The following RORA variants were observed in gnomAD, a reference collection of about 807,000 sequenced individuals.
The protein encoded by RORA is RAR related orphan receptor A, also known as nuclear receptor ROR-alpha.
A neutral mutation model predicts 69.5 loss-of-function variants in RORA; 7 were observed. The ratio of observed to expected loss-of-function variants is 0.10; its 90% CI spans 0.06 to 0.19. The LOEUF is 0.19. Among genes scored for constraint, RORA ranks in the 10% least tolerant of loss-of-function variants. The pLI is 1.00. For synonymous variants in RORA, 261 were observed against 240.8 expected (o/e 1.08, Z -0.78); for missense variants, 457 against 663.0 (o/e 0.69, Z 3.41).
rs763259684 is a variant in RORA at position 61,147,654 on chromosome 15, C to T, written c.166+81399G>A. Among the ~76,000 whole-genome samples the T allele has an allele frequency of 4.9e-4, 75 of 152,174 alleles. No homozygotes were observed. Among genetic ancestry groups the T allele is most frequent in the Non-Finnish European group, 2.5e-4 (17 of 68,020 alleles). ...GAAGAGTAAGTAAACAAGAGGCTTG[C>T]TTGACCAGGTGACACTCTTCACATT... On this transcript the variant is annotated intron_variant, in intron 1 of 10. Coordinates refer to ENST00000335670, the MANE Select transcript of RORA (RefSeq NM_134261.3). This position sits in a 1 kb window ranked among gnomAD's most constrained non-coding sequence, Gnocchi z 4.1.
intron 1 of RORA, among the ~76,000 whole-genome samples, chr15:60,838,863 C>CAG (rs1191153858): frequency 1.1e-5 from 1 of 87,398 alleles, no homozygotes; most frequent in African/African-American, 2.9e-5. Context: ...CACACACACA[C>CAG]ACACACACAC....
At position 60,682,984 on chromosome 15, in the gene RORA, T is replaced by C. The variant is rs1351277424; in HGVS notation, c.167-4298A>G. 2.0e-5 allele frequency among the ~76,000 whole-genome samples: 3 copies of C among 152,152 alleles called. 1 individual carries two copies. The highest frequency in any genetic ancestry group is 4.4e-5 in the Non-Finnish European group (3 of 68,012). On this transcript the variant is annotated intron_variant, in intron 1 of 10. Coordinates refer to ENST00000335670, the MANE Select transcript of RORA (RefSeq NM_134261.3). ...TAATTTAGCTTCTCTGGGTCTTAGT[T>C]TTCTTATATGCAGAATGAGGTAGTC...
At chr15:60,930,460 G>T (rs984881981) in intron 1 of RORA, among the ~76,000 whole-genome samples, 3 of 152,178 alleles carry the variant, frequency 2.0e-5, no homozygotes, top group African/African-American at 7.2e-5. Flanking sequence ...CCAATACAGG[G>T]AGGGAAGACA....
At chr15:60,545,283 G>C (rs2067033760) in intron 2 of RORA, 1 of 152,180 alleles carries the variant, frequency 6.6e-6, no homozygotes, top group Non-Finnish European at 1.5e-5. Flanking sequence ...TTAAAAACCA[G>C]CCGCACCTCA....
rs1567051367 is a variant in RORA, at chr15:60,516,013, A to ATATATATT, written c.283-1264_283-1257dup. Among the ~76,000 whole-genome samples the ATATATATT allele has an allele frequency of 3.3e-4, 6 of 18,280 alleles. 1 individual carries two copies. Among genetic ancestry groups the ATATATATT allele is most frequent in the African/African-American group, 8.4e-4 (5 of 5,934 alleles). 12.0% of individuals were successfully genotyped at this position (18,280 alleles called of 152,430 possible). A position where few individuals can be genotyped will look rare whatever the true frequency, so the allele number is the denominator to read the frequency against. On this transcript the variant is annotated intron_variant, in intron 3 of 10. Transcript: ENST00000335670. ...TATTTATATATATTTATATATATTTATATATATTTATATATTTATATATAT... is the reference window on the plus strand; with the variant it reads ...TATTTATATATATTTATATATATTTATATATATTTATATATTTATATATTTATATATAT...
Position 61,019,016 on chromosome 15 carries a change from A to G in RORA, c.166+210037T>C, listed in dbSNP as rs535665560. Among the ~76,000 whole-genome samples the G allele has an allele frequency of 1.9e-4, 29 of 152,290 alleles. No homozygotes were observed. The South Asian group carries it at 5.8e-3, about 30-fold the overall frequency. ...TCTATTCCCCTCTGAGTTTTCTTCC[A>G]TCTTATCTAATACACCCTCTGAAAA... is the stretch of plus-strand genomic sequence containing the variant. On this transcript the variant is annotated intron_variant, in intron 1 of 10. Transcript: ENST00000335670.
chr15:60,714,217 C>G (rs2016263), intron 1 of RORA, among the ~76,000 whole-genome samples: 39,511 of 151,706 alleles, frequency 0.26, 5,602 homozygotes, highest in Middle Eastern at 0.35. Context: ...CCATGCCCAG[C>G]AAATTTCTTT....
chr15:60,933,311 C>A (rs895649201), intron 1 of RORA, among the ~76,000 whole-genome samples: 3 of 152,202 alleles, frequency 2.0e-5, no homozygotes. Flanking sequence ...CTGTAGCCTA[C>A]GTTCTCAGCA....
chr15:61,211,635 C>T (rs1188403577), intron 1 of RORA, among the ~76,000 whole-genome samples: 1 of 152,186 alleles, frequency 6.6e-6, no homozygotes, highest in African/African-American at 2.4e-5. Context: ...AACATCTAGT[C>T]AGAGCTCACC....
At chr15:61,111,254 G>A (rs148018925) in intron 1 of RORA, among the ~76,000 whole-genome samples, 1 of 152,316 alleles carries the variant, frequency 6.6e-6, no homozygotes, top group South Asian at 2.1e-4. Flanking sequence ...CCGTTAAGTA[G>A]TTCTAGAGGA....
At chr15:60,675,221 G>C (rs1448077367) in intron 2 of RORA, among the ~76,000 whole-genome samples, 1 of 152,194 alleles carries the variant, frequency 6.6e-6, no homozygotes. Context: ...CAACACAGCA[G>C]CTGATTCCGA....
intron 1 of RORA, among the ~76,000 whole-genome samples, chr15:61,029,491 T>C (rs1461444764): frequency 6.6e-6 from 1 of 152,076 alleles, no homozygotes; most frequent in African/African-American, 2.4e-5. Flanking sequence ...GGAATTTACA[T>C]TGTGAAAAGA....
At chr15:61,211,002 C>T (rs2079986246) in intron 1 of RORA, among the ~76,000 whole-genome samples, 1 of 152,212 alleles carries the variant, frequency 6.6e-6, no homozygotes, top group South Asian at 2.1e-4. Flanking sequence ...CTCAGGTAAC[C>T]AGCTGGTTAG....
At position 60,799,088 on chromosome 15, in the gene RORA, G is replaced by A. The variant is rs552136466; in HGVS notation, c.167-120402C>T. Among the ~76,000 whole-genome samples the A allele has an allele frequency of 1.9e-3, 282 of 152,162 alleles. 1 individual carries two copies. The highest frequency in any genetic ancestry group is 3.4e-3 in the Middle Eastern group (1 of 294). On this transcript the variant is annotated intron_variant, in intron 1 of 10. Coordinates refer to ENST00000335670, the MANE Select transcript of RORA (RefSeq NM_134261.3). The stretch of plus-strand genomic sequence containing the variant: ...GGACCTTCCCTTTAACCTACCCCAG[G>A]ATCCCAATACCTCAGGCCTCCGTGC...
intron 1 of RORA, among the ~76,000 whole-genome samples, chr15:60,953,820 G>T (rs1330518195): frequency 6.7e-6 from 1 of 149,494 alleles, no homozygotes. Context: ...GTGGAGAAAT[G>T]GGAACACTTT....
At chr15:61,159,178 G>T (rs1433493552) in intron 1 of RORA, among the ~76,000 whole-genome samples, 2 of 152,128 alleles carry the variant, frequency 1.3e-5, no homozygotes, top group African/African-American at 4.8e-5. Context: ...TACACAGAAT[G>T]AAAGGGGGTT....
At chr15:61,184,597 T>C (rs1323761393) in intron 1 of RORA, among the ~76,000 whole-genome samples, 2 of 152,152 alleles carry the variant, frequency 1.3e-5, no homozygotes, top group Non-Finnish European at 2.9e-5. Context: ...GAGAAGTAAC[T>C]TTGCTTTATT....
intron 1 of RORA, among the ~76,000 whole-genome samples, chr15:60,959,545 C>T (rs574414749): frequency 1.3e-5 from 2 of 152,124 alleles, no homozygotes; most frequent in Admixed American, 1.3e-4. Flanking sequence ...AAATAAACAA[C>T]AACAACAACA....
At chr15:61,174,906 G>C (rs2079614728) in intron 1 of RORA, among the ~76,000 whole-genome samples, 1 of 152,180 alleles carries the variant, frequency 6.6e-6, no homozygotes, top group Admixed American at 6.5e-5. Context: ...ACTGAGCCCA[G>C]AGAGGTTAAA....
Sources: allele counts gnomAD v4.1 joint callset (sites outside exome capture counted in the v4.1 genomes callset), GRCh38; gene constraint gnomAD v4.1.1; non-coding constraint Gnocchi (gnomAD v3.1); transcripts MANE v1.5; gene names NCBI Gene and HGNC (gene_info 2026-07-23, HGNC 2026-07-21).